The following PARD3B variants were observed in gnomAD, a reference collection of about 807,000 sequenced individuals.
The protein encoded by PARD3B is par-3 family cell polarity regulator beta.
In PARD3B, 103 loss-of-function variants were observed where a neutral mutation model predicts 130.2. The observed-to-expected ratio is 0.79, with a 90% confidence interval of 0.67 to 0.93. The LOEUF is 0.93. Ranked by LOEUF, PARD3B falls within the 40% of genes least tolerant of loss-of-function variation. The pLI is 0.00. For missense variants in PARD3B, 1,609 were observed against 1,499.2 expected, an observed-to-expected ratio of 1.07 and a Z score of -1.21; for synonymous variants, 583 against 553.2, an observed-to-expected ratio of 1.05 and a Z score of -0.76.
intron 21 of PARD3B, among the ~76,000 whole-genome samples, chr2:205,526,600 T>C (rs895149491): frequency 6.6e-6 from 1 of 152,206 alleles, no homozygotes. Flanking sequence ...GTTTTCATTT[T>C]TGACTTGGAA....
At position 205,499,796 on chromosome 2, in the gene PARD3B, T is replaced by G. The variant is rs10194737; in HGVS notation, c.3045-100T>G. The G allele has an allele frequency of 7.4e-3, 9,380 of 1,267,154 alleles. 561 individuals are homozygous for G. In the African/African-American group the frequency reaches 0.13, roughly 17 times the overall value. 78.5% of individuals were successfully genotyped at this position (1,267,154 alleles called of 1,614,324 possible). Reference sequence around the variant, plus strand: ...CATATTTGAATTACATTATTGAATCTTCCAAATTTAGATGTCAACTCCTTT... The same window carrying G: ...CATATTTGAATTACATTATTGAATCGTCCAAATTTAGATGTCAACTCCTTT... On this transcript the variant is annotated intron_variant, in intron 20 of 22. Transcript: ENST00000406610.
At chr2:204,827,372 A>G (rs1302166108) in intron 2 of PARD3B, among the ~76,000 whole-genome samples, 4 of 152,216 alleles carry the variant, frequency 2.6e-5, no homozygotes, top group Non-Finnish European at 4.4e-5. Context: ...GGATTTGTTC[A>G]TGTATTACAT....
chr2:204,846,050 A>G (rs1442131893), intron 2 of PARD3B, among the ~76,000 whole-genome samples: 1 of 152,096 alleles, frequency 6.6e-6, no homozygotes, highest in Non-Finnish European at 1.5e-5. Flanking sequence ...AAAAGTTTCT[A>G]TAAATCCAAA....
rs137944128 is a variant in PARD3B, at chr2:205,123,523, A to T, written c.1166-804A>T. ...TCTAGGGGACAAACTGGTCTAAGAC[A>T]GATCCTTGAGGAACATCTGTGGCTA... On this transcript the variant is annotated intron_variant, in intron 8 of 22. Coordinates refer to ENST00000406610, the MANE Select transcript of PARD3B (RefSeq NM_001302769.2). Among the ~76,000 whole-genome samples, 30 of 152,264 alleles carry T rather than the reference A, an allele frequency of 2.0e-4. No homozygotes were observed. In the East Asian group the frequency reaches 5.2e-3, roughly 27 times the overall value.
intron 16 of PARD3B, among the ~76,000 whole-genome samples, chr2:205,262,459 G>A (rs1050816264): frequency 7.2e-5 from 11 of 152,036 alleles, no homozygotes; most frequent in Admixed American, 7.2e-4. Flanking sequence ...TGGCTCCAAG[G>A]AGGTCATAGA....
intron 6 of PARD3B, among the ~76,000 whole-genome samples, chr2:205,117,775 C>A (rs1431426619): frequency 2.0e-5 from 3 of 152,282 alleles, no homozygotes; most frequent in African/African-American, 4.8e-5. Context: ...TTACTCTGGA[C>A]ACAGCTAAGC....
intron 2 of PARD3B, among the ~76,000 whole-genome samples, chr2:204,772,222 C>T (rs1162051618): frequency 1.3e-5 from 2 of 152,010 alleles, no homozygotes; most frequent in Admixed American, 1.3e-4. Context: ...CACATACAGA[C>T]ATTTCACAAG....
At chr2:205,559,987 C>T (rs2053069977) in intron 22 of PARD3B, among the ~76,000 whole-genome samples, 1 of 152,188 alleles carries the variant, frequency 6.6e-6, no homozygotes, top group African/African-American at 2.4e-5. Flanking sequence ...TGACAATGCT[C>T]ACAGCAACCC....
At chr2:205,299,650 G>A (rs1007080757) in intron 16 of PARD3B, among the ~76,000 whole-genome samples, 4 of 122,140 alleles carry the variant, frequency 3.3e-5, no homozygotes. Context: ...CTAGCTGGGG[G>A]TGGGAATGGA....
rs1159561152 is a variant in PARD3B at position 205,338,152 on chromosome 2, CAAAAAAAA to C, written c.2630+36470_2630+36477del. ...TGGGCAACAGAGTGAGACTCCATCT[CAAAAAAAA>C]AAAAAAAAAAAAAAAAAAGGCTTCA... On this transcript the variant is annotated intron_variant, in intron 18 of 22. Coordinates refer to ENST00000406610, the MANE Select transcript of PARD3B (RefSeq NM_001302769.2). 2.3e-3 allele frequency among the ~76,000 whole-genome samples: 48 copies of C among 20,454 alleles called. No individual in the cohort carries two copies. In the South Asian group the frequency reaches 0.09, roughly 39 times the overall value. The allele number at this position is 20,454 out of a possible 152,430, so 13.4% of individuals were successfully genotyped here. A position where few individuals can be genotyped will look rare whatever the true frequency, so the allele number is the denominator to read the frequency against.
chr2:205,451,770 T>C (rs2048112884), intron 20 of PARD3B, among the ~76,000 whole-genome samples: 1 of 151,906 alleles, frequency 6.6e-6, no homozygotes, highest in Non-Finnish European at 1.5e-5. Context: ...AATCACATCA[T>C]GGAAAATGGG....
At chr2:204,778,342 A>G (rs1337712760) in intron 2 of PARD3B, among the ~76,000 whole-genome samples, 3 of 149,350 alleles carry the variant, frequency 2.0e-5, no homozygotes, top group South Asian at 2.1e-4. Context: ...ATGTTTTAGG[A>G]AAAAAAAAGA....
chr2:205,358,096 C>A (rs1040071920), intron 18 of PARD3B, among the ~76,000 whole-genome samples: 4 of 152,134 alleles, frequency 2.6e-5, no homozygotes, highest in African/African-American at 9.7e-5. Flanking sequence ...TTAAAATTAC[C>A]CCATTCTTAA....
intron 10 of PARD3B, among the ~76,000 whole-genome samples, chr2:205,132,895 A>G (rs530591014): frequency 5.9e-5 from 9 of 152,274 alleles, no homozygotes; most frequent in African/African-American, 2.2e-4. Flanking sequence ...TGCCTAGAGC[A>G]TAGTGTATGC....
At chr2:204,757,629 A>G (rs1233239535) in intron 2 of PARD3B, among the ~76,000 whole-genome samples, 1 of 152,118 alleles carries the variant, frequency 6.6e-6, no homozygotes, top group Non-Finnish European at 1.5e-5. Flanking sequence ...GGCTCATGTC[A>G]GATAAAGATA....
At chr2:205,004,369 C>A (rs912472577) in intron 3 of PARD3B, among the ~76,000 whole-genome samples, 4 of 152,078 alleles carry the variant, frequency 2.6e-5, no homozygotes, top group African/African-American at 9.7e-5. Flanking sequence ...ATTTAGAAGA[C>A]CAGGTATTAT....
Position 205,017,702 on chromosome 2 carries a change from C to G in PARD3B, c.395-29879C>G, listed in dbSNP as rs1386226647. 3.9e-5 allele frequency among the ~76,000 whole-genome samples: 6 copies of G among 152,108 alleles called. No homozygotes were observed. In the South Asian group the frequency reaches 6.2e-4, roughly 16 times the overall value. ...CCCATGTCAATGACTTGCTTAATTA[C>G]TTAATTTCTGCTTAATTTTTTGATA... On this transcript the variant is annotated intron_variant, in intron 3 of 22. Coordinates refer to ENST00000406610, the MANE Select transcript of PARD3B (RefSeq NM_001302769.2).
intron 1 of PARD3B, among the ~76,000 whole-genome samples, chr2:204,568,156 G>T (rs939907506): frequency 5.3e-5 from 8 of 152,168 alleles, no homozygotes; most frequent in Admixed American, 1.3e-4. Context: ...GGATACCTAG[G>T]GGTTTGTAGA....
At chr2:205,175,176 A>T (rs2035398099) in intron 12 of PARD3B, among the ~76,000 whole-genome samples, 1 of 152,166 alleles carries the variant, frequency 6.6e-6, no homozygotes, top group Admixed American at 6.5e-5. Flanking sequence ...CGATTGTGTC[A>T]TTTATCAAAG....
Sources: allele counts gnomAD v4.1 joint callset (sites outside exome capture counted in the v4.1 genomes callset), GRCh38; gene constraint gnomAD v4.1.1; transcripts MANE v1.5; gene names NCBI Gene and HGNC (gene_info 2026-07-23, HGNC 2026-07-21).